The following TOMM70 variants were observed in gnomAD, a reference collection of about 807,000 sequenced individuals.
TOMM70 encodes mitochondrial import receptor subunit TOM70.
In TOMM70, 13 loss-of-function variants were observed where a neutral mutation model predicts 73.6. That is an observed-to-expected ratio of 0.18 (90% CI 0.11 to 0.28). The LOEUF is 0.28. Ranked by LOEUF, TOMM70 falls within the 10% of genes least tolerant of loss-of-function variation. TOMM70 has a pLI of 1.00. For missense variants in TOMM70, 609 were observed against 747.5 expected (o/e 0.81, Z 2.16); for synonymous variants, 257 against 271.2 (o/e 0.95, Z 0.51).
intron 1 of TOMM70, among the ~76,000 whole-genome samples, chr3:100,394,486 G>A (rs963309759): frequency 5.3e-5 from 8 of 150,102 alleles, no homozygotes; most frequent in African/African-American, 2.0e-4. Context: ...AATACTTATT[G>A]ACCAATTGTT....
intron 2 of TOMM70, among the ~76,000 whole-genome samples, chr3:100,386,556 C>T (rs942006221): frequency 1.3e-5 from 2 of 152,074 alleles, no homozygotes; most frequent in Non-Finnish European, 2.9e-5. Flanking sequence ...ATAGGGTCAC[C>T]AGAAACTTTC....
chr3:100,391,737 A>T (rs879834185), intron 1 of TOMM70, among the ~76,000 whole-genome samples: 1 of 152,206 alleles, frequency 6.6e-6, no homozygotes, highest in Non-Finnish European at 1.5e-5. Context: ...AAAAAAAGTT[A>T]AAAAAATTTA....
At chr3:100,372,892 A>C (rs951523821) in intron 8 of TOMM70, among the ~76,000 whole-genome samples, 170 bp from the exon 9 acceptor site, 1 of 152,196 alleles carries the variant, frequency 6.6e-6, no homozygotes, top group Non-Finnish European at 1.5e-5. Flanking sequence ...AGAGAGCCAA[A>C]GGTTATGTAC....
rs1706697452 is a variant in TOMM70 at position 100,386,802 on chromosome 3, T to C, written c.498+3A>G. The C allele has an allele frequency of 1.2e-6, 2 of 1,613,660 alleles. No individual in the cohort carries two copies. The highest frequency in any genetic ancestry group is 1.7e-6 in the Non-Finnish European group (2 of 1,179,916). On this transcript the variant is annotated splice_donor_region_variant and intron_variant, in intron 2 of 11. Transcript: ENST00000284320. ...AACAGAAGAAACAACCTAGAGTACA[T>C]ACCAACTGTTCAAAGGCAGCAGCTC... is the stretch of plus-strand genomic sequence containing the variant.
intron 8 of TOMM70, 107 bp downstream of exon 8, chr3:100,373,431 G>T: frequency 1.2e-6 from 1 of 830,758 alleles, no homozygotes; most frequent in Non-Finnish European, 1.9e-6. Context: ...GTTATCCTTT[G>T]GGAAAGAAAG....
At chr3:100,385,441 T>C (rs1576215778) in intron 3 of TOMM70, among the ~76,000 whole-genome samples, 1 of 152,258 alleles carries the variant, frequency 6.6e-6, no homozygotes, top group East Asian at 1.9e-4. Flanking sequence ...TTTGGTAATC[T>C]ACACTTTTCT....
At chr3:100,385,186 T>C (rs574396188) in intron 3 of TOMM70, among the ~76,000 whole-genome samples, 4 of 152,334 alleles carry the variant, frequency 2.6e-5, no homozygotes, top group South Asian at 4.1e-4. Flanking sequence ...ATCAAGTCAA[T>C]CTGCTGATAT....
chr3:100,370,899 CG>C (rs763184248), intron 9 of TOMM70, among the ~76,000 whole-genome samples: 5 of 152,088 alleles, frequency 3.3e-5, no homozygotes, highest in African/African-American at 7.2e-5. Context: ...GGTTCCTATT[CG>C]GTGGCCTTTG....
At chr3:100,395,135 C>T (rs1020114427) in intron 1 of TOMM70, among the ~76,000 whole-genome samples, 6 of 151,936 alleles carry the variant, frequency 3.9e-5, no homozygotes, top group Admixed American at 2.6e-4. Context: ...TTTGGGAGGC[C>T]GAGGCAGGCA....
At chr3:100,369,169 A>C (rs1184327468) in intron 9 of TOMM70, 34 bp from the exon 10 acceptor site, 8 of 1,429,444 alleles carry the variant, frequency 5.6e-6, no homozygotes, top group African/African-American at 1.4e-5. Context: ...ATATTAAGGT[A>C]ACCGTCAACC....
intron 1 of TOMM70, among the ~76,000 whole-genome samples, chr3:100,392,767 T>A (rs1706777582): frequency 6.6e-6 from 1 of 152,052 alleles, no homozygotes; most frequent in Non-Finnish European, 1.5e-5. Context: ...CTAGAGTAGG[T>A]CTACCATTTG....
chr3:100,387,580 A>AGACACG (rs1450547502), intron 1 of TOMM70, among the ~76,000 whole-genome samples: 334 of 131,410 alleles, frequency 2.5e-3, no homozygotes, highest in African/African-American at 0.011. Context: ...TCCAGCTAAA[A>AGACACG]GACACAGACA....
chr3:100,365,775 A>C, intron 11 of TOMM70, 58 bp from the exon 12 acceptor site: 1 of 1,588,940 alleles, frequency 6.3e-7, no homozygotes, highest in Non-Finnish European at 8.6e-7. Context: ...ATATTCAATG[A>C]AGGTTGTAAG....
At chr3:100,386,764 GA>G (rs1396059335) in intron 2 of TOMM70, 40 bp downstream of exon 2, 1 of 1,579,228 alleles carries the variant, frequency 6.3e-7, no homozygotes, top group African/African-American at 1.4e-5. Flanking sequence ...AGCAAATAAA[GA>G]GAAAGAAAAG....
chr3:100,393,439 C>T (rs1457333145), intron 1 of TOMM70, among the ~76,000 whole-genome samples: 1 of 151,700 alleles, frequency 6.6e-6, no homozygotes, highest in African/African-American at 2.4e-5. Flanking sequence ...ACTATGGAGA[C>T]TCAGAGGAGG....
chr3:100,378,970 A>G (rs1030095031), intron 5 of TOMM70, among the ~76,000 whole-genome samples: 2 of 152,076 alleles, frequency 1.3e-5, no homozygotes, highest in East Asian at 1.9e-4. Flanking sequence ...TCGCGCCACT[A>G]CACTCCAGCT....
intron 9 of TOMM70, 141 bp from the exon 10 acceptor site, chr3:100,369,276 T>C: frequency 4.7e-6 from 3 of 644,748 alleles, no homozygotes; most frequent in Non-Finnish European, 8.1e-6. Context: ...TGATTTACAT[T>C]TTACATCTTA....
intron 1 of TOMM70, among the ~76,000 whole-genome samples, chr3:100,399,119 T>A (rs983884025): frequency 9.9e-5 from 15 of 151,960 alleles, no homozygotes; most frequent in African/African-American, 3.6e-4. Flanking sequence ...CCGTCTCTAC[T>A]AAAAATACAA....
At position 100,379,891 on chromosome 3, in the gene TOMM70, T is replaced by C. The variant is rs143518591; in HGVS notation, c.884+1724A>G. On this transcript the variant is annotated intron_variant, in intron 5 of 11. Coordinates refer to ENST00000284320, the MANE Select transcript of TOMM70 (RefSeq NM_014820.5). ...ACCTCAGCCTCTCAAAGTGTTGGGA[T>C]TACAGGCATGAGCCACCATGTCTGA... Among the ~76,000 whole-genome samples the C allele has an allele frequency of 2.0e-4, 31 of 152,218 alleles. No individual in the cohort carries two copies. The East Asian group carries it at 6.0e-3, about 30-fold the overall frequency.
Sources: gnomAD v4.1 joint callset for allele counts (sites outside exome capture counted in the v4.1 genomes callset) on GRCh38, gnomAD v4.1.1 for gene constraint, MANE v1.5 for transcripts, NCBI Gene and HGNC (gene_info 2026-07-23, HGNC 2026-07-21) for gene names.